The following YIPF4 variants were observed in gnomAD, a reference collection of about 807,000 sequenced individuals.
YIPF4 encodes the protein protein YIPF4.
A neutral mutation model predicts 29.4 loss-of-function variants in YIPF4; 18 were observed. That is an observed-to-expected ratio of 0.61 (90% CI 0.42 to 0.91). The LOEUF is 0.91. Among genes scored for constraint, YIPF4 ranks in the 40% least tolerant of loss-of-function variants. The pLI is 0.00. For synonymous variants in YIPF4, 115 were observed against 104.7 expected, an observed-to-expected ratio of 1.10 and a Z score of -0.60; for missense variants, 279 against 282.7, an observed-to-expected ratio of 0.99 and a Z score of 0.09.
chr2:32,311,394 G>A lies in YIPF4; in HGVS notation c.*5768G>A, dbSNP rs1273231099. 1 of 152,190 alleles carries A rather than the reference G, an allele frequency of 6.6e-6. No individual in the cohort carries two copies. Among genetic ancestry groups the A allele is most frequent in the East Asian group, 1.9e-4 (1 of 5,192 alleles). 9.4% of individuals were successfully genotyped at this position (152,190 alleles called of 1,614,324 possible). A position where few individuals can be genotyped will look rare whatever the true frequency, so the allele number is the denominator to read the frequency against. On this transcript the variant is annotated 3_prime_UTR_variant, in exon 6 of 6. Transcript: ENST00000238831. ...AGGTTACAGTTTGGAGGTTACATTAGAGAAAGAATATAGGGAAGATGGCAG... is the reference window on the plus strand; with the variant it reads ...AGGTTACAGTTTGGAGGTTACATTAAAGAAAGAATATAGGGAAGATGGCAG...
Position 32,305,483 on chromosome 2 carries a change from T to G in YIPF4, c.598-6T>G. ...CTGCCTTTTGTCTTTTTTCCTTTTT[T>G]TAAAGCTGTTTGGTGTGTTTTGGGC... On this transcript the variant is annotated splice_polypyrimidine_tract_variant and splice_region_variant and intron_variant, in intron 5 of 5. Coordinates refer to ENST00000238831, the MANE Select transcript of YIPF4 (RefSeq NM_032312.4). 6.5e-7 allele frequency: 1 copy of G among 1,538,396 alleles called. No individual in the cohort carries two copies. The highest frequency in any genetic ancestry group is 8.7e-7 in the Non-Finnish European group (1 of 1,147,998).
chr2:32,283,579 A>G (rs1254806973), intron 1 of YIPF4, among the ~76,000 whole-genome samples: 2 of 152,196 alleles, frequency 1.3e-5, no homozygotes, highest in African/African-American at 4.8e-5. Context: ...TTTCCTTGGT[A>G]AAACTTGCTT....
intron 1 of YIPF4, among the ~76,000 whole-genome samples, chr2:32,279,394 CTTTTTTT>C (rs35036420): frequency 2.0e-5 from 2 of 98,742 alleles, no homozygotes; most frequent in South Asian, 3.2e-4. Context: ...CTAGATTTTC[CTTTTTTT>C]TTTTTTTTTT....
Position 32,313,515 on chromosome 2 carries a change from C to T in YIPF4, c.*7889C>T, listed in dbSNP as rs2031761418. ...CCCAAGTAGCTGGGATTACAGGTGC[C>T]CATCACCACACCCGGCTAATTTTTT... On this transcript the variant is annotated 3_prime_UTR_variant, in exon 6 of 6. Coordinates refer to ENST00000238831, the MANE Select transcript of YIPF4 (RefSeq NM_032312.4). 1 of 151,658 alleles carries T rather than the reference C, an allele frequency of 6.6e-6. No homozygotes were observed. Among genetic ancestry groups the T allele is most frequent in the Non-Finnish European group, 1.5e-5 (1 of 68,002 alleles). The allele number at this position is 151,658 out of a possible 1,614,324, so 9.4% of individuals were successfully genotyped here. A position where few individuals can be genotyped will look rare whatever the true frequency, so the allele number is the denominator to read the frequency against.
chr2:32,280,133 A>ATT (rs1423096620), intron 1 of YIPF4, among the ~76,000 whole-genome samples: 2,022 of 146,360 alleles, frequency 0.014, 32 homozygotes, highest in African/African-American at 0.05. Flanking sequence ...ATATATATAT[A>ATT]TATTTTTTTT....
At chr2:32,286,569 T>G (rs746754065) in intron 1 of YIPF4, among the ~76,000 whole-genome samples, 2 of 151,914 alleles carry the variant, frequency 1.3e-5, no homozygotes, top group African/African-American at 4.8e-5. Flanking sequence ...TTTTTTGAGA[T>G]GGAGTTGCGC....
chr2:32,294,432 C>T (rs557676232), intron 3 of YIPF4, among the ~76,000 whole-genome samples: 415 of 148,776 alleles, frequency 2.8e-3, no homozygotes, highest in African/African-American at 9.5e-3. Flanking sequence ...CCAGACGGGG[C>T]GGCGGGGCAA....
intron 3 of YIPF4, among the ~76,000 whole-genome samples, chr2:32,296,612 T>C (rs2031197835): frequency 6.6e-6 from 1 of 152,216 alleles, no homozygotes; most frequent in Non-Finnish European, 1.5e-5. Context: ...AGTGACATTG[T>C]CCTGCTCTCT....
At chr2:32,291,179 C>T (rs1456910215) in intron 2 of YIPF4, among the ~76,000 whole-genome samples, 4 of 152,190 alleles carry the variant, frequency 2.6e-5, no homozygotes, top group Non-Finnish European at 5.9e-5. Flanking sequence ...TTTCCAGATT[C>T]TTCTTTGTAT....
rs992565075 is a variant in YIPF4, at chr2:32,292,288, T to A, written c.345T>A (p.Phe115Leu). The A allele has an allele frequency of 3.7e-6, 6 of 1,606,316 alleles. No individual in the cohort carries two copies. Among genetic ancestry groups the A allele is most frequent in the African/African-American group, 1.3e-5 (1 of 74,902 alleles). Residue 115 changes from phenylalanine (F) to leucine (L), a missense_variant, in exon 3 of 6, where the codon TTT becomes TTA. Transcript: ENST00000238831. ...NRQVVRDNPD[F>L]WGPLAVVLFF... ...AAGTGGTGAGAGACAATCCTGACTTTTGGGGTCCTCTGGCTGTTGTTCTTT... is the reference window on the plus strand; with the variant it reads ...AAGTGGTGAGAGACAATCCTGACTTATGGGGTCCTCTGGCTGTTGTTCTTT...
intron 1 of YIPF4, among the ~76,000 whole-genome samples, chr2:32,281,336 G>A (rs1302817345): frequency 6.6e-6 from 1 of 151,894 alleles, no homozygotes; most frequent in African/African-American, 2.4e-5. Context: ...CCACCTCCTG[G>A]GATCAAGTGA....
chr2:32,297,565 C>T (rs571077003), intron 3 of YIPF4, among the ~76,000 whole-genome samples: 2 of 151,872 alleles, frequency 1.3e-5, no homozygotes, highest in African/African-American at 2.4e-5. Flanking sequence ...CTCAGGAGTT[C>T]GAGACCAGCC....
intron 4 of YIPF4, among the ~76,000 whole-genome samples, chr2:32,301,033 A>G (rs2031386125): frequency 6.6e-6 from 1 of 152,088 alleles, no homozygotes; most frequent in African/African-American, 2.4e-5. Flanking sequence ...TCTGAATGGG[A>G]TGGTTGTAGT....
Position 32,316,006 on chromosome 2 carries a change from C to T in YIPF4, c.*10380C>T, listed in dbSNP as rs2031822850. ...GACCTGCCTGGGCAATATAGCGAGA[C>T]CCCGTTCTCCCCAAAAAGGAAAAAA... On this transcript the variant is annotated 3_prime_UTR_variant, in exon 6 of 6. Transcript: ENST00000238831. 6.8e-6 allele frequency: 1 copy of T among 146,156 alleles called. No individual in the cohort carries two copies. The highest frequency in any genetic ancestry group is 2.0e-4 in the East Asian group (1 of 5,072). 9.1% of individuals were successfully genotyped at this position (146,156 alleles called of 1,614,324 possible).
At chr2:32,300,434 TAAAAAAAAA>T (rs78248257) in intron 4 of YIPF4, among the ~76,000 whole-genome samples, 1 of 120,650 alleles carries the variant, frequency 8.3e-6, no homozygotes, top group Non-Finnish European at 1.8e-5. Flanking sequence ...ACTCCGTCTT[TAAAAAAAAA>T]AAAAAAAAAA....
chr2:32,281,263 CAG>C (rs1432967143), intron 1 of YIPF4, among the ~76,000 whole-genome samples: 1 of 148,682 alleles, frequency 6.7e-6, no homozygotes. Context: ...TTTTTTGAGA[CAG>C]AGTTTCACTC....
chr2:32,283,928 C>T (rs2030542665), intron 1 of YIPF4, among the ~76,000 whole-genome samples: 3 of 152,206 alleles, frequency 2.0e-5, no homozygotes, highest in Middle Eastern at 3.4e-3. Flanking sequence ...CCACGTTGGT[C>T]AGGCTGGTCT....
At chr2:32,287,870 T>C (rs2030744257) in intron 1 of YIPF4, among the ~76,000 whole-genome samples, 2 of 152,214 alleles carry the variant, frequency 1.3e-5, no homozygotes, top group Admixed American at 1.3e-4. Context: ...TATTATCCTT[T>C]ACATTGTTTT....
chr2:32,301,416 A>G lies in YIPF4; in HGVS notation c.518A>G (p.Tyr173Cys). ...GGCCAAGTCCTTGGAGTTATAGGATATTCATTACTTCCTCTCATTGTAATA... is the reference window on the plus strand; with the variant it reads ...GGCCAAGTCCTTGGAGTTATAGGATGTTCATTACTTCCTCTCATTGTAATA... ...AYGQVLGVIG[Y>C]SLLPLIVIAP... The change falls in exon 5 of 6, where the codon TAT becomes TGT. Residue 173 changes from tyrosine (Y) to cysteine (C), a missense_variant. Physicochemically the swap from Tyr to Cys is radical, Grantham distance 194. Coordinates refer to ENST00000238831, the MANE Select transcript of YIPF4 (RefSeq NM_032312.4). 1 of 1,613,720 alleles carries G rather than the reference A, an allele frequency of 6.2e-7. No homozygotes were observed. Among genetic ancestry groups the G allele is most frequent in the South Asian group, 1.1e-5 (1 of 91,032 alleles).
Sources: gnomAD v4.1 joint callset for allele counts (sites outside exome capture counted in the v4.1 genomes callset) on GRCh38, gnomAD v4.1.1 for gene constraint, MANE v1.5 for transcripts, NCBI Gene and HGNC (gene_info 2026-07-23, HGNC 2026-07-21) for gene names.